SAMD8: variants seen among roughly 807,000 people sequenced by gnomAD.
SAMD8 encodes sterile alpha motif domain containing 8.
Under a neutral mutation model 42.0 loss-of-function variants are expected in SAMD8, and 20 were observed. That is an observed-to-expected ratio of 0.48 (90% CI 0.34 to 0.69). The LOEUF is 0.69. Among genes scored for constraint, SAMD8 ranks in the 30% least tolerant of loss-of-function variants. The probability of loss-of-function intolerance (pLI) is 0.01; values close to 1 mark genes in which losing one functional copy is unlikely to be tolerated. For missense variants in SAMD8, 328 were observed against 511.6 expected (o/e 0.64, Z 3.46); for synonymous variants, 162 against 173.0 (o/e 0.94, Z 0.50).
chr10:75,111,214 T>G (rs913386029), upstream of SAMD8, among the ~76,000 whole-genome samples: 2 of 152,236 alleles, frequency 1.3e-5, no homozygotes, highest in African/African-American at 4.8e-5. Flanking sequence ...GGGGGCTGGC[T>G]ATTGGAGAAG....
intron 1 of SAMD8, among the ~76,000 whole-genome samples, chr10:75,143,556 T>C (rs1333836514): frequency 2.0e-5 from 3 of 151,974 alleles, no homozygotes; most frequent in Non-Finnish European, 2.9e-5. Context: ...TTTAGGTTGT[T>C]GTTTTTTTTT....
chr10:75,128,105 C>T (rs1442270704), intron 1 of SAMD8, among the ~76,000 whole-genome samples: 2 of 131,200 alleles, frequency 1.5e-5, no homozygotes, highest in African/African-American at 2.9e-5. Flanking sequence ...GAGACAGAGT[C>T]GCTGTCACCT....
At chr10:75,142,611 AT>A (rs1339007176) in intron 1 of SAMD8, among the ~76,000 whole-genome samples, 1 of 151,800 alleles carries the variant, frequency 6.6e-6, no homozygotes, top group Non-Finnish European at 1.5e-5. Flanking sequence ...TAATTTTTGT[AT>A]TTTTAGTAGA....
chr10:75,150,959 G>T lies in SAMD8; in HGVS notation c.431G>T (p.Arg144Ile), dbSNP rs529608678. The T allele has an allele frequency of 3.1e-6, 5 of 1,613,230 alleles. No individual in the cohort carries two copies. In the East Asian group the frequency reaches 8.9e-5, roughly 29 times the overall value. Reference protein sequence around the residue: ...MNGKNKHSVRRLDPEYWKTIL... With the variant: ...MNGKNKHSVRILDPEYWKTIL... ...GGTAAAAACAAACATTCTGTTCGAA[G>T]ATTGGACCCAGAATACTGGAAGACT... The change falls in exon 2 of 6, where the codon AGA (arginine) becomes ATA (isoleucine). Residue 144 changes from arginine to isoleucine, a missense_variant. By Grantham distance (97) the Arg-to-Ile change is moderately conservative (BLOSUM62 -3). Transcript: ENST00000542569.
At chr10:75,128,879 A>G (rs2134442071) in intron 1 of SAMD8, among the ~76,000 whole-genome samples, 1 of 152,282 alleles carries the variant, frequency 6.6e-6, no homozygotes. Flanking sequence ...TAATACATGC[A>G]TATAATTGGT....
intron 1 of SAMD8, among the ~76,000 whole-genome samples, chr10:75,118,510 G>T (rs191982377): frequency 1.6e-4 from 25 of 152,276 alleles, no homozygotes; most frequent in Non-Finnish European, 3.1e-4. Context: ...CAGGTGTGGT[G>T]GTGTGCCCCT....
chr10:75,128,132 G>T (rs1849188032), intron 1 of SAMD8, among the ~76,000 whole-genome samples: 1 of 147,164 alleles, frequency 6.8e-6, no homozygotes, highest in South Asian at 2.1e-4. Flanking sequence ...GAGTGCAATG[G>T]CGCGATCTTG....
chr10:75,164,670 GC>G lies in SAMD8; in HGVS notation c.606del (p.Met203Ter). 6.2e-7 allele frequency: 1 copy of G among 1,614,036 alleles called. No individual in the cohort carries two copies. The highest frequency in any genetic ancestry group is 8.5e-7 in the Non-Finnish European group (1 of 1,179,998). On this transcript the variant is annotated frameshift_variant, in exon 3 of 6. Coordinates refer to ENST00000542569, the MANE Select transcript of SAMD8 (RefSeq NM_001174156.2). LOFTEE classifies it high-confidence loss of function. ...DSVPRIPWAF[A>X]MTEVCGMILC... ...CGTTCCTAGAATCCCATGGGCCTTT[GC>G]CATGACGGAAGTATGTGGCATGATT...
intron 2 of SAMD8, among the ~76,000 whole-genome samples, chr10:75,151,345 A>G (rs1840283591): frequency 6.6e-6 from 1 of 152,022 alleles, no homozygotes; most frequent in Admixed American, 6.6e-5. Context: ...ATTTAATTTT[A>G]ATTTTAATTT....
intron 1 of SAMD8, among the ~76,000 whole-genome samples, chr10:75,100,940 G>A (rs1196838073): frequency 6.6e-6 from 1 of 152,220 alleles, no homozygotes; most frequent in Non-Finnish European, 1.5e-5. Flanking sequence ...GCAGCTGTTT[G>A]CCATCCACCT....
At position 75,181,427 on chromosome 10, in the gene SAMD8, A is replaced by G. The variant is rs563747167; in HGVS notation, c.*4735A>G. On this transcript the variant is annotated 3_prime_UTR_variant, in exon 6 of 6. Transcript: ENST00000542569. ...AAACTAGGTTTTGGACCCCCTTCTC[A>G]CCTCACCCGGATGTAATGCCACCAA... The G allele has an allele frequency of 4.1e-5, 6 of 148,144 alleles. No homozygotes were observed. The South Asian group carries it at 1.3e-3, about 32-fold the overall frequency. The allele number at this position is 148,144 out of a possible 1,614,324, so 9.2% of individuals were successfully genotyped here.
chr10:75,112,946 C>T (rs1257441690), intron 1 of SAMD8, among the ~76,000 whole-genome samples: 6 of 152,208 alleles, frequency 3.9e-5, no homozygotes, highest in Non-Finnish European at 8.8e-5. Context: ...CCAAATCTTC[C>T]TCTCACTGAT....
chr10:75,144,718 C>T (rs201899761), intron 1 of SAMD8, among the ~76,000 whole-genome samples: 6 of 151,974 alleles, frequency 3.9e-5, no homozygotes, highest in African/African-American at 1.2e-4. Context: ...AGTGCAGTGG[C>T]GCGATCTCAG....
intron 2 of SAMD8, among the ~76,000 whole-genome samples, chr10:75,163,214 C>G (rs550183368): frequency 6.6e-6 from 1 of 152,172 alleles, no homozygotes; most frequent in African/African-American, 2.4e-5. Flanking sequence ...CGTGAGCCAC[C>G]GTGCCCAGCC....
chr10:75,139,902 T>G (rs1839976797), intron 1 of SAMD8, among the ~76,000 whole-genome samples: 1 of 152,172 alleles, frequency 6.6e-6, no homozygotes, highest in Non-Finnish European at 1.5e-5. Flanking sequence ...GTCAGAAAGA[T>G]TTTCTCCTAG....
At chr10:75,137,851 TA>T (rs1319943939) in intron 1 of SAMD8, among the ~76,000 whole-genome samples, 1 of 152,144 alleles carries the variant, frequency 6.6e-6, no homozygotes, top group Non-Finnish European at 1.5e-5. Context: ...CTATAACACT[TA>T]AAATGGTAAA....
intron 2 of SAMD8, among the ~76,000 whole-genome samples, chr10:75,154,551 C>T (rs1385229150): frequency 6.6e-6 from 1 of 152,144 alleles, no homozygotes; most frequent in East Asian, 1.9e-4. Flanking sequence ...ACTTGAGGAC[C>T]ATTGTAAGGA....
chr10:75,120,353 G>A (rs1369311143), intron 1 of SAMD8, among the ~76,000 whole-genome samples: 1 of 151,872 alleles, frequency 6.6e-6, no homozygotes, highest in Admixed American at 6.6e-5. Flanking sequence ...CTCACCGCAA[G>A]CTCCGCCTCC....
At chr10:75,119,180 G>A (rs1221504792) in intron 1 of SAMD8, among the ~76,000 whole-genome samples, 2 of 151,144 alleles carry the variant, frequency 1.3e-5, no homozygotes, top group African/African-American at 2.4e-5. Context: ...AATTTGAGAC[G>A]GAGTTTCGCT....
Sources: allele counts gnomAD v4.1 joint callset (sites outside exome capture counted in the v4.1 genomes callset), GRCh38; gene constraint gnomAD v4.1.1; transcripts MANE v1.5; gene names NCBI Gene and HGNC (gene_info 2026-07-23, HGNC 2026-07-21).